The following OSBPL10 variants were observed in gnomAD, a reference collection of about 807,000 sequenced individuals.
OSBPL10 encodes oxysterol-binding protein-related protein 10.
OSBPL10 carries 49 observed loss-of-function variants against 81.7 expected under a neutral mutation model. That is an observed-to-expected ratio of 0.60 (90% CI 0.48 to 0.76). OSBPL10 has a LOEUF of 0.76. Among genes scored for constraint, OSBPL10 ranks in the 30% least tolerant of loss-of-function variants. OSBPL10 has a pLI of 0.00. For missense variants in OSBPL10, 923 were observed against 987.8 expected (o/e 0.93, Z 0.88); for synonymous variants, 419 against 383.6 (o/e 1.09, Z -1.08).
At chr3:31,935,815 C>G (rs1025645345) in intron 1 of OSBPL10, among the ~76,000 whole-genome samples, 3 of 152,100 alleles carry the variant, frequency 2.0e-5, no homozygotes, top group African/African-American at 7.2e-5. Flanking sequence ...AGCCACCGCA[C>G]CCGGCCAAAA....
At chr3:31,687,985 C>T (rs1411154474) in intron 7 of OSBPL10, among the ~76,000 whole-genome samples, 1 of 151,820 alleles carries the variant, frequency 6.6e-6, no homozygotes, top group Non-Finnish European at 1.5e-5. Flanking sequence ...ACATGAGCCC[C>T]ACCTTTTAGG....
chr3:31,696,812 T>C (rs1343775545), intron 7 of OSBPL10, among the ~76,000 whole-genome samples: 4 of 152,248 alleles, frequency 2.6e-5, no homozygotes, highest in African/African-American at 9.6e-5. Context: ...CCTCTCAAAC[T>C]TGTACCTGAG....
chr3:31,783,100 C>G (rs1167999095), intron 4 of OSBPL10, among the ~76,000 whole-genome samples: 1 of 123,912 alleles, frequency 8.1e-6, no homozygotes. Flanking sequence ...ATATCTATAT[C>G]AATATATCTA....
intron 4 of OSBPL10, among the ~76,000 whole-genome samples, chr3:31,791,136 T>C (rs1363004867): frequency 6.6e-6 from 1 of 152,240 alleles, no homozygotes; most frequent in Non-Finnish European, 1.5e-5. Context: ...ACATTTTTTG[T>C]TTTAAAATAG....
At chr3:31,993,436 G>C (rs886608988) in intron 2 of OSBPL10, among the ~76,000 whole-genome samples, 4 of 151,854 alleles carry the variant, frequency 2.6e-5, no homozygotes, top group African/African-American at 9.7e-5. Context: ...TCAAACTCCT[G>C]ACCTCAGGTG....
intron 4 of OSBPL10, among the ~76,000 whole-genome samples, chr3:31,781,547 A>G (rs1698695766): frequency 6.6e-6 from 1 of 152,060 alleles, no homozygotes; most frequent in Non-Finnish European, 1.5e-5. Context: ...ATGTATACCT[A>G]GGAAACACTA....
In OSBPL10 at chr3:31,764,414, G is replaced by A. The variant is rs187885876; in HGVS notation, c.730-16294C>T. ...TGTTGGGTGGATAAATGGAGGAGAG[G>A]GGACGGGAGAGAAGAAATGGGAAGA... On this transcript the variant is annotated intron_variant, in intron 4 of 11. Transcript: ENST00000396556. Among the ~76,000 whole-genome samples, 42 of 152,300 alleles carry A rather than the reference G, an allele frequency of 2.8e-4. No homozygotes were observed. In the South Asian group the frequency reaches 6.8e-3, roughly 25 times the overall value.
Position 31,868,237 on chromosome 3 carries a change from T to C in OSBPL10, c.537+8196A>G, listed in dbSNP as rs1328264656. ...TTTTCTATCTTCTGAATGTTTTATA[T>C]GGCATATAGGTAATATTCATAATCT... On this transcript the variant is annotated intron_variant, in intron 3 of 11. Coordinates refer to ENST00000396556, the MANE Select transcript of OSBPL10 (RefSeq NM_017784.5). Among the ~76,000 whole-genome samples the C allele has an allele frequency of 2.0e-5, 3 of 152,198 alleles. No homozygotes were observed. The East Asian group carries it at 5.8e-4, about 29-fold the overall frequency.
At chr3:32,066,892 A>G (rs546026120) in intron 1 of OSBPL10, among the ~76,000 whole-genome samples, 1 of 152,306 alleles carries the variant, frequency 6.6e-6, no homozygotes, top group Non-Finnish European at 1.5e-5. Context: ...CACTCATGCT[A>G]AAGTTCTGAA....
chr3:31,809,888 T>TTTTTTTTA (rs1699630861), intron 4 of OSBPL10, among the ~76,000 whole-genome samples: 1 of 149,104 alleles, frequency 6.7e-6, no homozygotes, highest in African/African-American at 2.5e-5. Context: ...TTTTTTTTTT[T>TTTTTTTTA]GAGATGGAGT....
At chr3:31,849,092 C>T (rs1700700546) in intron 3 of OSBPL10, among the ~76,000 whole-genome samples, 1 of 152,198 alleles carries the variant, frequency 6.6e-6, no homozygotes, top group Non-Finnish European at 1.5e-5. Context: ...TCATCTTCTG[C>T]TCCTGCTACT....
chr3:31,876,932 C>G (rs1407504164), intron 2 of OSBPL10, among the ~76,000 whole-genome samples: 1 of 136,036 alleles, frequency 7.4e-6, no homozygotes, highest in African/African-American at 2.8e-5. Context: ...GAGACGGAGT[C>G]TCGCTCTGTC....
intron 10 of OSBPL10, among the ~76,000 whole-genome samples, chr3:31,668,052 A>C (rs775604610): frequency 2.0e-5 from 3 of 152,186 alleles, no homozygotes; most frequent in African/African-American, 7.2e-5. Context: ...AGTTTTCTTT[A>C]AAAAAAGAAT....
chr3:31,855,202 T>TC (rs397954211), intron 3 of OSBPL10, among the ~76,000 whole-genome samples: 5 of 151,976 alleles, frequency 3.3e-5, no homozygotes, highest in Non-Finnish European at 7.4e-5. Flanking sequence ...TAAGTTTTTT[T>TC]GTGCACACAA....
chr3:31,913,239 T>A (rs1467724352), intron 1 of OSBPL10, among the ~76,000 whole-genome samples: 4 of 150,968 alleles, frequency 2.6e-5, no homozygotes, highest in Admixed American at 6.6e-5. Flanking sequence ...TTTTTTTTTT[T>A]ATTTTGTTTT....
At chr3:32,028,122 G>A (rs1034712275) in intron 2 of OSBPL10, among the ~76,000 whole-genome samples, 1 of 152,130 alleles carries the variant, frequency 6.6e-6, no homozygotes, top group Non-Finnish European at 1.5e-5. Context: ...CCCATCTCAG[G>A]CCAGAGCTCT....
intron 4 of OSBPL10, among the ~76,000 whole-genome samples, chr3:31,801,237 C>T (rs1211769795): frequency 6.6e-6 from 1 of 152,168 alleles, no homozygotes; most frequent in East Asian, 1.9e-4. Flanking sequence ...ACTGCATGGA[C>T]ATCTCCATGA....
At position 31,748,643 on chromosome 3, in the gene OSBPL10, C is replaced by CAAAAA. The variant is rs5847713; in HGVS notation, c.730-528_730-524dup. On this transcript the variant is annotated intron_variant, in intron 4 of 11. Transcript: ENST00000396556. ...ATGCTGAGCCCCCTTCGCTCGCTTG[C>CAAAAA]AAAAAAAAAAAAAAAAATGCTAAAC... is the stretch of plus-strand genomic sequence containing the variant. Among the ~76,000 whole-genome samples the CAAAAA allele has an allele frequency of 5.5e-5, 7 of 127,680 alleles. No individual in the cohort carries two copies. The East Asian group carries it at 1.1e-3, about 21-fold the overall frequency. 83.8% of individuals were successfully genotyped at this position (127,680 alleles called of 152,430 possible).
intron 2 of OSBPL10, among the ~76,000 whole-genome samples, chr3:32,039,857 C>T (rs1457243665): frequency 6.6e-6 from 1 of 152,006 alleles, no homozygotes; most frequent in Non-Finnish European, 1.5e-5. Flanking sequence ...ATGAAGCTGA[C>T]TAATCATAAT....
Sources: gnomAD v4.1 joint callset for allele counts (sites outside exome capture counted in the v4.1 genomes callset) on GRCh38, gnomAD v4.1.1 for gene constraint, MANE v1.5 for transcripts, NCBI Gene and HGNC (gene_info 2026-07-23, HGNC 2026-07-21) for gene names.